The following RAG1 variants were observed in gnomAD, a reference collection of about 807,000 sequenced individuals.
The protein encoded by RAG1 is V(D)J recombination-activating protein 1.
A neutral mutation model predicts 62.7 loss-of-function variants in RAG1; 35 were observed. The observed-to-expected ratio is 0.56, with a 90% confidence interval of 0.43 to 0.74. The LOEUF (loss-of-function observed/expected upper bound fraction) is 0.74, where lower values mean the gene tolerates loss of function less well. Among genes scored for constraint, RAG1 ranks in the 30% least tolerant of loss-of-function variants. RAG1 has a pLI of 0.00. For missense variants in RAG1, 1,169 were observed against 1,278.6 expected, an observed-to-expected ratio of 0.91 and a Z score of 1.31; for synonymous variants, 461 against 470.3, an observed-to-expected ratio of 0.98 and a Z score of 0.26.
At chr11:36,543,634 CCTT>C (rs1321415951) in intron 3 of RAG1, among the ~76,000 whole-genome samples, 1 of 152,320 alleles carries the variant, frequency 6.6e-6, no homozygotes, top group East Asian at 1.9e-4. Flanking sequence ...TTCCATCTCT[CCTT>C]CTAACCTCCT....
At chr11:36,570,330 T>G (rs1423641584) in intron 1 of RAG1, among the ~76,000 whole-genome samples, 1 of 152,318 alleles carries the variant, frequency 6.6e-6, no homozygotes, top group East Asian at 1.9e-4. Flanking sequence ...CTGAACCATA[T>G]AAGTAGTTTT....
intron 2 of RAG1, among the ~76,000 whole-genome samples, chr11:36,524,008 G>A (rs535171591): frequency 1.3e-5 from 2 of 152,138 alleles, no homozygotes; most frequent in Non-Finnish European, 2.9e-5. Flanking sequence ...CTACTAATCT[G>A]TTCTCTATTT....
At position 36,579,367 on chromosome 11, in the gene RAG1, G is replaced by T. The variant is rs1850901512; in HGVS notation, c.*2931G>T. ...ATGATGTATTCTTTTGATGTTAAAA[G>T]ATTTTAAGTAAGAGTAGATACATTG... On this transcript the variant is annotated 3_prime_UTR_variant, in exon 2 of 2. Transcript: ENST00000299440. 1 of 166,774 alleles carries T rather than the reference G, an allele frequency of 6.0e-6. No homozygotes were observed. Among genetic ancestry groups the T allele is most frequent in the African/African-American group, 2.4e-5 (1 of 41,202 alleles). 10.3% of individuals were successfully genotyped at this position (166,774 alleles called of 1,614,324 possible).
In RAG1 at chr11:36,570,445, T is replaced by A. The variant is rs1850723562; in HGVS notation, c.-15+2323T>A. 2.0e-5 allele frequency among the ~76,000 whole-genome samples: 3 copies of A among 152,126 alleles called. No individual in the cohort carries two copies. The South Asian group carries it at 6.2e-4, about 32-fold the overall frequency. Reference sequence around the variant, plus strand: ...ACACGTCTATTTTAGGGAGTAAAAATCACAAGTAAGGATAAAAAATAGTGC... The same window carrying A: ...ACACGTCTATTTTAGGGAGTAAAAAACACAAGTAAGGATAAAAAATAGTGC... On this transcript the variant is annotated intron_variant, in intron 1 of 1. Transcript: ENST00000299440.
intron 3 of RAG1, among the ~76,000 whole-genome samples, chr11:36,551,613 T>A (rs79673486): frequency 6.6e-6 from 1 of 151,042 alleles, no homozygotes; most frequent in East Asian, 1.9e-4. Flanking sequence ...TTTTTTTTTT[T>A]TTTTTTATTA....
At chr11:36,523,270 G>A (rs1182993922) in intron 2 of RAG1, among the ~76,000 whole-genome samples, 2 of 152,180 alleles carry the variant, frequency 1.3e-5, no homozygotes, top group Non-Finnish European at 2.9e-5. Context: ...ATGGGGGCGG[G>A]TAGTTCTTGT....
chr11:36,576,421 T>C lies in RAG1; in HGVS notation c.3117T>C (p.Asp1039=). Residue 1039 remains aspartate (D), a synonymous_variant, in exon 2 of 2, where the codon GAT becomes GAC. Transcript: ENST00000299440. Reference sequence around the variant, plus strand: ...TAGAGGACTCTCTGGAAAGCCAAGATTCAATGGAATTTTAAGTAGGGCAAC... The same window carrying C: ...TAGAGGACTCTCTGGAAAGCCAAGACTCAATGGAATTTTAAGTAGGGCAAC... ...LGIEDSLESQ[D]SMEF 3.7e-6 allele frequency: 6 copies of C among 1,614,096 alleles called. No homozygotes were observed. The highest frequency in any genetic ancestry group is 5.1e-6 in the Non-Finnish European group (6 of 1,180,012).
rs556164333 is a variant in RAG1, at chr11:36,514,942, C to A, written n.330+3904C>A. On this transcript the variant is annotated intron_variant and non_coding_transcript_variant, in intron 1 of 2. Transcript: ENST00000529126. ...AGAGGGAACACCTATTGCAAAGGCC[C>A]TAAAGCTGAAATAAGCTACATTTAT... 2.0e-5 allele frequency among the ~76,000 whole-genome samples: 3 copies of A among 152,308 alleles called. No homozygotes were observed. The South Asian group carries it at 6.2e-4, about 32-fold the overall frequency.
chr11:36,551,605 T>A (rs1012024641), intron 3 of RAG1, among the ~76,000 whole-genome samples: 1 of 105,288 alleles, frequency 9.5e-6, no homozygotes, highest in African/African-American at 4.1e-5. Flanking sequence ...TTACTTCTTT[T>A]TTTTTTTTTT....
upstream of RAG1, among the ~76,000 whole-genome samples, chr11:36,564,761 G>A (rs1363960139): frequency 1.3e-5 from 2 of 152,172 alleles, no homozygotes; most frequent in Non-Finnish European, 2.9e-5. Flanking sequence ...GTGTGGAGAC[G>A]CTGTCTCTCC....
rs559213008 is a variant in RAG1 at position 36,511,467 on chromosome 11, A to C, written n.330+429A>C. On this transcript the variant is annotated intron_variant and non_coding_transcript_variant, in intron 1 of 2. Transcript: ENST00000529126. ...AGACCCTGTCTCAAGGAACAAACGA[A>C]CAAACAAATAAACCCAAAACTAGGA... Among the ~76,000 whole-genome samples, 405 of 152,264 alleles carry C rather than the reference A, an allele frequency of 2.7e-3. 6 individuals carry two copies. The highest frequency in any genetic ancestry group is 7.1e-3 in the South Asian group (34 of 4,820).
At chr11:36,550,679 C>T (rs1850468343) in intron 3 of RAG1, among the ~76,000 whole-genome samples, 1 of 152,106 alleles carries the variant, frequency 6.6e-6, no homozygotes, top group Non-Finnish European at 1.5e-5. Context: ...TAAATGATGT[C>T]ATCAGTCTTT....
chr11:36,535,744 C>CAAGT (rs1554941721), intron 2 of RAG1, among the ~76,000 whole-genome samples: 3 of 151,754 alleles, frequency 2.0e-5, no homozygotes, highest in Admixed American at 1.3e-4. Context: ...GACTCCCTCT[C>CAAGT]AAATAAATAA....
chr11:36,519,423 A>G lies in RAG1; in HGVS notation n.331-709A>G, dbSNP rs377404533. ...ACTTATATTTACTTCAAACACATCA[A>G]GCATTTTTATTTGTCATCAAATGTT... On this transcript the variant is annotated intron_variant and non_coding_transcript_variant, in intron 1 of 2. Coordinates refer to the RAG1 transcript ENST00000529126. Among the ~76,000 whole-genome samples the G allele has an allele frequency of 2.7e-4, 41 of 152,346 alleles. 1 individual carries two copies. Among genetic ancestry groups the G allele is most frequent in the African/African-American group, 9.6e-4 (40 of 41,582 alleles).
At chr11:36,563,241 C>A (rs935127307), upstream of RAG1, 5 of 152,188 alleles carry the variant, frequency 3.3e-5, no homozygotes, top group African/African-American at 1.2e-4. Context: ...GCATTTAAGT[C>A]AGTAGACTGA....
intron 2 of RAG1, among the ~76,000 whole-genome samples, chr11:36,523,846 T>A (rs150848335): frequency 1.1e-3 from 163 of 152,306 alleles, no homozygotes; most frequent in African/African-American, 3.5e-3. Context: ...AATGGTAACA[T>A]CATGCAAAAC....
At chr11:36,546,323 T>C (rs1250818808) in intron 3 of RAG1, among the ~76,000 whole-genome samples, 1 of 152,232 alleles carries the variant, frequency 6.6e-6, no homozygotes, top group Non-Finnish European at 1.5e-5. Flanking sequence ...CCCCTTACCA[T>C]AATGTAATGC....
Position 36,574,683 on chromosome 11 carries a change from G to C in RAG1, c.1379G>C (p.Gly460Ala), listed in dbSNP as rs191898756. ...QADELEAIMQGKGSGLQPAVC... is the reference protein window; with the variant it reads ...QADELEAIMQAKGSGLQPAVC... ...GATGAGCTGGAGGCCATCATGCAGG[G>C]AAAGGGCTCTGGCCTGCAGCCAGCT... The change falls in exon 2 of 2, where the codon GGA (glycine) becomes GCA (alanine). Residue 460 changes from glycine to alanine, a missense_variant. Coordinates refer to ENST00000299440, the MANE Select transcript of RAG1 (RefSeq NM_000448.3). 1 of 1,614,264 alleles carries C rather than the reference G, an allele frequency of 6.2e-7. No homozygotes were observed. Among genetic ancestry groups the C allele is most frequent in the Non-Finnish European group, 8.5e-7 (1 of 1,180,056 alleles).
intron 1 of RAG1, among the ~76,000 whole-genome samples, chr11:36,572,643 G>A (rs1424610644): frequency 6.6e-6 from 1 of 152,114 alleles, no homozygotes; most frequent in East Asian, 1.9e-4. Flanking sequence ...ATTTACAACA[G>A]CATTCACTAA....
Sources: gnomAD v4.1 joint callset for allele counts (sites outside exome capture counted in the v4.1 genomes callset) on GRCh38, gnomAD v4.1.1 for gene constraint, MANE v1.5 for transcripts, NCBI Gene and HGNC (gene_info 2026-07-23, HGNC 2026-07-21) for gene names.